Variants in OPCML observed in about 807,000 individuals in gnomAD.
OPCML encodes opioid-binding protein/cell adhesion molecule.
A neutral mutation model predicts 37.8 loss-of-function variants in OPCML; 13 were observed. The observed-to-expected ratio is 0.34, with a 90% CI of 0.22 to 0.55. The LOEUF (loss-of-function observed/expected upper bound fraction) is 0.55, where lower values mean the gene tolerates loss of function less well. OPCML is among the 20% of genes least tolerant of loss of function. OPCML has a pLI of 0.91. For synonymous variants in OPCML, 176 were observed against 168.8 expected, an observed-to-expected ratio of 1.04 and a Z score of -0.33; for missense variants, 341 against 435.6, an observed-to-expected ratio of 0.78 and a Z score of 1.93.
intron 1 of OPCML, among the ~76,000 whole-genome samples, chr11:133,229,195 G>A (rs1460333411): frequency 6.6e-6 from 1 of 152,204 alleles, no homozygotes; most frequent in East Asian, 1.9e-4. Context: ...GGCAAGGACA[G>A]GATGCTCAGC....
chr11:133,036,856 T>G (rs1219871915), intron 1 of OPCML, among the ~76,000 whole-genome samples: 1 of 152,172 alleles, frequency 6.6e-6, no homozygotes. Flanking sequence ...GACCCAGATC[T>G]TCAGTTGTCC....
At chr11:132,440,563 C>G (rs1241203734) in intron 4 of OPCML, among the ~76,000 whole-genome samples, 3 of 152,168 alleles carry the variant, frequency 2.0e-5, no homozygotes, top group Admixed American at 2.0e-4. Context: ...AAGAGCCCCT[C>G]AGGCTGAGAC....
At chr11:133,365,990 A>G (rs1037136828) in intron 1 of OPCML, 1 of 152,244 alleles carries the variant, frequency 6.6e-6, no homozygotes, top group Non-Finnish European at 1.5e-5. Flanking sequence ...GCCCCAAACA[A>G]TGGCTCCTCT....
intron 1 of OPCML, among the ~76,000 whole-genome samples, chr11:133,079,308 A>G (rs913116514): frequency 6.6e-6 from 1 of 152,122 alleles, no homozygotes. Context: ...CATCTGAATA[A>G]TCTCCCCTTT....
In OPCML at chr11:132,542,842, G is replaced by A. The variant is rs7934232; in HGVS notation, c.380-13656C>T. ...TTCCTGCCTGTGACTGAACACCCAC[G>A]CCTCTTCCCTTCTCCCACCAGCTTT... On this transcript the variant is annotated intron_variant, in intron 3 of 7. Coordinates refer to ENST00000524381, the MANE Select transcript of OPCML (RefSeq NM_001012393.5). 5.8e-3 allele frequency among the ~76,000 whole-genome samples: 887 copies of A among 152,214 alleles called. 5 individuals are homozygous for A. The highest frequency in any genetic ancestry group is 0.02 in the African/African-American group (835 of 41,520).
At position 133,048,419 on chromosome 11, in the gene OPCML, G is replaced by A. The variant is rs151047652; in HGVS notation, c.62-105409C>T. On this transcript the variant is annotated intron_variant, in intron 1 of 7. Transcript: ENST00000524381. ...GACTATTGACTGCATTAGGAGAGAC[G>A]CCTAAAACCCCGTATGAGAATGCAG... Among the ~76,000 whole-genome samples the A allele has an allele frequency of 3.7e-3, 570 of 152,090 alleles. 2 individuals carry two copies. The highest frequency in any genetic ancestry group is 5.6e-3 in the Non-Finnish European group (383 of 68,016).
At chr11:133,352,791 T>C (rs1292724752) in intron 1 of OPCML, among the ~76,000 whole-genome samples, 3 of 152,214 alleles carry the variant, frequency 2.0e-5, no homozygotes, top group Non-Finnish European at 4.4e-5. Flanking sequence ...CTAAAAATAA[T>C]ATTTTTCAAG....
At chr11:132,885,447 T>C (rs1248882106) in intron 2 of OPCML, among the ~76,000 whole-genome samples, 1 of 152,166 alleles carries the variant, frequency 6.6e-6, no homozygotes, top group Non-Finnish European at 1.5e-5. Context: ...GAAAACACGA[T>C]TCATTCCCCA....
intron 3 of OPCML, among the ~76,000 whole-genome samples, chr11:132,640,639 G>A (rs1316971479): frequency 3.3e-5 from 5 of 152,156 alleles, no homozygotes; most frequent in Non-Finnish European, 7.3e-5. Context: ...TTCATATAGA[G>A]GGAAAGACTT....
chr11:132,507,541 C>T lies in OPCML; in HGVS notation c.505+21520G>A, dbSNP rs148307138. The stretch of plus-strand genomic sequence containing the variant: ...CTATCGAACAGTTATCAAAATTGAA[C>T]CTATACATTTCCGAAATTAATTCAA... On this transcript the variant is annotated intron_variant, in intron 4 of 7. Transcript: ENST00000524381. 4.0e-3 allele frequency among the ~76,000 whole-genome samples: 609 copies of T among 151,758 alleles called. 8 individuals are homozygous for T. The highest frequency in any genetic ancestry group is 0.014 in the African/African-American group (585 of 41,448).
At chr11:133,315,128 G>A (rs965647851) in intron 1 of OPCML, among the ~76,000 whole-genome samples, 1 of 152,022 alleles carries the variant, frequency 6.6e-6, no homozygotes, top group South Asian at 2.1e-4. Flanking sequence ...CATTTCTCTG[G>A]AACTTAGTAT....
intron 1 of OPCML, among the ~76,000 whole-genome samples, chr11:133,191,645 C>T (rs1213157295): frequency 6.6e-6 from 1 of 151,944 alleles, no homozygotes; most frequent in Non-Finnish European, 1.5e-5. Flanking sequence ...AGGCACCCAC[C>T]ACCATGTCCG....
Position 132,743,311 on chromosome 11 carries a change from C to A in OPCML, c.147-85992G>T, listed in dbSNP as rs74534519. On this transcript the variant is annotated intron_variant, in intron 2 of 7. Coordinates refer to ENST00000524381, the MANE Select transcript of OPCML (RefSeq NM_001012393.5). Reference sequence around the variant, plus strand: ...AAGGAAGTAGACTGCACACCGCATACCAGCTCTACTAGATTAGCACTGGGA... The same window carrying A: ...AAGGAAGTAGACTGCACACCGCATAACAGCTCTACTAGATTAGCACTGGGA... Among the ~76,000 whole-genome samples, 1,315 of 152,196 alleles carry A rather than the reference C, an allele frequency of 8.6e-3. 10 individuals are homozygous for A. The highest frequency in any genetic ancestry group is 0.016 in the Admixed American group (248 of 15,282).
chr11:132,997,467 AT>A (rs1302587697), intron 1 of OPCML, among the ~76,000 whole-genome samples: 2 of 152,208 alleles, frequency 1.3e-5, no homozygotes, highest in East Asian at 3.9e-4. Context: ...TGGAAACGCT[AT>A]TCTTTTCATC....
intron 1 of OPCML, among the ~76,000 whole-genome samples, chr11:133,094,883 G>T (rs1948973678): frequency 6.6e-6 from 1 of 151,952 alleles, no homozygotes; most frequent in South Asian, 2.1e-4. Context: ...AATAGTACTG[G>T]GATATAATAT....
chr11:133,444,686 A>C (rs1413192422), intron 1 of OPCML, among the ~76,000 whole-genome samples: 2 of 152,230 alleles, frequency 1.3e-5, no homozygotes, highest in African/African-American at 4.8e-5. Context: ...AAACAATTGC[A>C]TCCCTAGAGA....
At chr11:132,620,216 T>C (rs1939316618) in intron 3 of OPCML, among the ~76,000 whole-genome samples, 2 of 152,170 alleles carry the variant, frequency 1.3e-5, no homozygotes, top group African/African-American at 4.8e-5. Flanking sequence ...TGAATCCAAG[T>C]CAGAGCCATA....
intron 1 of OPCML, among the ~76,000 whole-genome samples, chr11:133,291,823 C>G (rs1592172798): frequency 6.6e-6 from 1 of 152,180 alleles, no homozygotes; most frequent in Admixed American, 6.5e-5. Flanking sequence ...CAAAAAAGTT[C>G]AGGTGGTTCT....
intron 7 of OPCML, among the ~76,000 whole-genome samples, chr11:132,424,610 G>A (rs1360120431): frequency 6.6e-6 from 1 of 152,156 alleles, no homozygotes; most frequent in Non-Finnish European, 1.5e-5. Context: ...CCGCAATCTG[G>A]CAATGTTGGA....
Sources: allele counts gnomAD v4.1 joint callset (sites outside exome capture counted in the v4.1 genomes callset), GRCh38; gene constraint gnomAD v4.1.1; transcripts MANE v1.5; gene names NCBI Gene and HGNC (gene_info 2026-07-23, HGNC 2026-07-21).